The following MOBP variants were observed in gnomAD, a reference collection of about 807,000 sequenced individuals.
MOBP encodes the protein myelin associated oligodendrocyte basic protein.
A neutral mutation model predicts 15.0 loss-of-function variants in MOBP; 5 were observed. The ratio of observed to expected loss-of-function variants is 0.33; its 90% confidence interval spans 0.17 to 0.70. MOBP has a LOEUF of 0.70. MOBP is among the 30% of genes least tolerant of loss of function. The pLI is 0.67. For synonymous variants in MOBP, 88 were observed against 99.0 expected (o/e 0.89, Z 0.66); for missense variants, 188 against 257.8 (o/e 0.73, Z 1.85).
chr3:39,525,118 A>G (rs971339630), downstream of MOBP: 2 of 151,646 alleles, frequency 1.3e-5, no homozygotes, highest in South Asian at 2.1e-4. Context: ...ATCCTTTTGG[A>G]AAAAAAAAGA....
chr3:39,490,409 A>G (rs114589716), intron 2 of MOBP, among the ~76,000 whole-genome samples: 170 of 152,350 alleles, frequency 1.1e-3, no homozygotes, highest in African/African-American at 3.9e-3. Flanking sequence ...AGGTTTAACA[A>G]AAACTCATTG....
At chr3:39,487,405 G>C (rs1315910001) in intron 2 of MOBP, among the ~76,000 whole-genome samples, 3 of 151,154 alleles carry the variant, frequency 2.0e-5, no homozygotes, top group South Asian at 2.1e-4. Flanking sequence ...GAATAGAACT[G>C]TTCCACTTGT....
exon 5 of MOBP, chr3:39,513,539 G>T (rs942449823): frequency 6.7e-6 from 7 of 1,048,904 alleles, no homozygotes; most frequent in Admixed American, 2.2e-5. Context: ...GCAAACACCT[G>T]CTGATGTGGC....
chr3:39,517,945 A>T (rs773273080), downstream of MOBP, among the ~76,000 whole-genome samples: 2 of 152,234 alleles, frequency 1.3e-5, no homozygotes, highest in Non-Finnish European at 2.9e-5. Flanking sequence ...GTAAACATAA[A>T]ATAGGTTTGA....
At chr3:39,479,392 C>T (rs1448448724) in intron 1 of MOBP, among the ~76,000 whole-genome samples, 2 of 143,666 alleles carry the variant, frequency 1.4e-5, no homozygotes, top group South Asian at 4.5e-4. Context: ...TCTTATAAGA[C>T]CTTTTTTTTT....
intron 2 of MOBP, among the ~76,000 whole-genome samples, chr3:39,495,724 G>C (rs2042868918): frequency 1.6e-5 from 2 of 123,904 alleles, no homozygotes; most frequent in African/African-American, 3.1e-5. Context: ...CTGTACTCTA[G>C]AATGGGCTAC....
chr3:39,521,515 C>A (rs537962927), intron 3 of MOBP, among the ~76,000 whole-genome samples: 20 of 151,978 alleles, frequency 1.3e-4, no homozygotes, highest in African/African-American at 4.3e-4. Flanking sequence ...TTTTGGAGCC[C>A]CTTTCATGGA....
chr3:39,468,064 G>A (rs2042368488), intron 1 of MOBP, among the ~76,000 whole-genome samples: 2 of 146,294 alleles, frequency 1.4e-5, no homozygotes, highest in African/African-American at 5.4e-5. Flanking sequence ...GGTAGTACAT[G>A]CTGCTGCTGC....
chr3:39,506,565 T>TG (rs2043050709), downstream of MOBP, among the ~76,000 whole-genome samples: 1 of 152,162 alleles, frequency 6.6e-6, no homozygotes, highest in Non-Finnish European at 1.5e-5. Context: ...TGTGCGTCAG[T>TG]TATCTTACCA....
At chr3:39,489,303 T>C (rs1364137854) in intron 2 of MOBP, among the ~76,000 whole-genome samples, 2 of 152,232 alleles carry the variant, frequency 1.3e-5, no homozygotes, top group Non-Finnish European at 2.9e-5. Context: ...CAGTCATACA[T>C]TGGATATACT....
downstream of MOBP, chr3:39,528,278 T>C (rs771987524): frequency 3.9e-5 from 6 of 152,204 alleles, no homozygotes; most frequent in Non-Finnish European, 8.8e-5. Flanking sequence ...AAATTCTAGT[T>C]GGAATATGGA....
chr3:39,502,845 G>A lies in MOBP; in HGVS notation c.517G>A (p.Gly173Arg), dbSNP rs768524888. The A allele has an allele frequency of 2.4e-5, 36 of 1,480,314 alleles. 1 individual carries two copies. The South Asian group carries it at 3.0e-4, about 12-fold the overall frequency. The allele number at this position is 1,480,314 out of a possible 1,614,324, so 91.7% of individuals were successfully genotyped here. A position where few individuals can be genotyped will look rare whatever the true frequency, so the allele number is the denominator to read the frequency against. Residue 173 changes from glycine to arginine, a missense_variant, in exon 4 of 4, where the codon GGG becomes AGG. This residue lies in a region of MOBP where 55 missense variants were observed against 45.2 expected (regional missense o/e 1.22). Coordinates refer to ENST00000684792, the MANE Select transcript of MOBP (RefSeq NM_001393704.1). This position sits in a 1 kb window ranked among gnomAD's most constrained non-coding sequence, Gnocchi z 6.3. The part of the protein sequence containing the change: ...SPLRGPGASR[G>R]GSPVKASRFW ...CCTCAGAGGGCCAGGCGCCAGCCGT[G>A]GGGGGTCCCCCGTCAAAGCTTCTAG...
Position 39,502,920 on chromosome 3 carries a change from T to A in MOBP, c.*40T>A. Reference sequence around the variant, plus strand: ...TTTTGTTCCCCAGCCCTAAGGTTAGTAGTTGCTTCCTGTGTTTACTAACAC... The same window carrying A: ...TTTTGTTCCCCAGCCCTAAGGTTAGAAGTTGCTTCCTGTGTTTACTAACAC... On this transcript the variant is annotated 3_prime_UTR_variant, in exon 4 of 4. Transcript: ENST00000684792. The surrounding 1 kb of genome is among the most constrained non-coding windows in gnomAD (Gnocchi z 6.3). 1.1e-6 allele frequency: 1 copy of A among 930,338 alleles called. No individual in the cohort carries two copies. The highest frequency in any genetic ancestry group is 1.6e-6 in the Non-Finnish European group (1 of 634,460). 57.6% of individuals were successfully genotyped at this position (930,338 alleles called of 1,614,324 possible).
chr3:39,503,553 ATT>A (rs5848509), downstream of MOBP, among the ~76,000 whole-genome samples: 8 of 137,798 alleles, frequency 5.8e-5, no homozygotes, highest in African/African-American at 1.9e-4. Flanking sequence ...TCTGTAGGCT[ATT>A]TTTTTTTTTT....
At chr3:39,476,081 C>A (rs1406655551) in intron 1 of MOBP, among the ~76,000 whole-genome samples, 1 of 152,136 alleles carries the variant, frequency 6.6e-6, no homozygotes. Context: ...CCAATCATCA[C>A]AGAAGGCAAA....
At chr3:39,517,554 CAAA>C (rs896324955), downstream of MOBP, among the ~76,000 whole-genome samples, 11 of 152,142 alleles carry the variant, frequency 7.2e-5, no homozygotes, top group South Asian at 2.1e-4. Context: ...TCCACTGGAA[CAAA>C]AAGAGTCTGA....
At chr3:39,471,574 C>A (rs1264953046) in intron 1 of MOBP, among the ~76,000 whole-genome samples, 1 of 152,162 alleles carries the variant, frequency 6.6e-6, no homozygotes, top group African/African-American at 2.4e-5. Flanking sequence ...GGGCTGACAC[C>A]AAACTCCTCT....
intron 1 of MOBP, among the ~76,000 whole-genome samples, chr3:39,469,280 A>AAT (rs2042431397): frequency 8.1e-6 from 1 of 123,070 alleles, no homozygotes; most frequent in Admixed American, 8.3e-5. Context: ...ATAGATATAT[A>AAT]TACATATGTG....
At chr3:39,507,930 T>C (rs1480138928), downstream of MOBP, among the ~76,000 whole-genome samples, 1 of 152,248 alleles carries the variant, frequency 6.6e-6, no homozygotes, top group African/African-American at 2.4e-5. Context: ...AACATTTTAA[T>C]GTCGTTCACA....
Sources: allele counts gnomAD v4.1 joint callset (sites outside exome capture counted in the v4.1 genomes callset), GRCh38; gene constraint gnomAD v4.1.1; regional missense constraint gnomAD v4.1.1; non-coding constraint Gnocchi (gnomAD v3.1); transcripts MANE v1.5; gene names NCBI Gene and HGNC (gene_info 2026-07-23, HGNC 2026-07-21).